The following PRX variants were observed in gnomAD, a reference collection of about 807,000 sequenced individuals.
The protein encoded by PRX is periaxin.
Under a neutral mutation model 29.6 loss-of-function variants are expected in PRX, and 24 were observed. The ratio of observed to expected loss-of-function variants is 0.81; its 90% CI spans 0.59 to 1.14. The LOEUF (loss-of-function observed/expected upper bound fraction) is 1.14, where lower values mean the gene tolerates loss of function less well. Ranked by LOEUF, PRX falls within the 50% of genes most tolerant of loss-of-function variation. PRX has a pLI of 0.00. For missense variants in PRX, 1,838 were observed against 1,926.4 expected (o/e 0.95, Z 0.86); for synonymous variants, 772 against 831.7 (o/e 0.93, Z 1.24).
Position 40,395,957 on chromosome 19 carries a change from A to G in PRX, c.2395T>C (p.Phe799Leu), listed in dbSNP as rs372370577. 1.3e-5 allele frequency: 21 copies of G among 1,614,030 alleles called. No homozygotes were observed. The highest frequency in any genetic ancestry group is 1.6e-5 in the Non-Finnish European group (19 of 1,180,050). ...GGCATGGTCATCTTGGGCATCTTGA[A>G]GCCAAATTCCATCCCTTCTGCCTGT... Reference protein sequence around the residue: ...AEQAEGMEFGFKMPKMTMPKL... With the variant: ...AEQAEGMEFGLKMPKMTMPKL... Residue 799 changes from phenylalanine to leucine, a missense_variant, in exon 7 of 7, where the codon TTC becomes CTC. By Grantham distance (22) the Phe-to-Leu change is conservative. Coordinates refer to ENST00000324001, the MANE Select transcript of PRX (RefSeq NM_181882.3).
At chr19:40,405,063 A>T (rs1379479666) in intron 4 of PRX, among the ~76,000 whole-genome samples, 1 of 152,076 alleles carries the variant, frequency 6.6e-6, no homozygotes, top group Non-Finnish European at 1.5e-5. Flanking sequence ...AATGTGCTCT[A>T]TTGTAAATTC....
rs778158201 is a variant in PRX at position 40,398,577 on chromosome 19, C to T, written c.381+43G>A. 73 of 1,608,598 alleles carry T rather than the reference C, an allele frequency of 4.5e-5. No homozygotes were observed. In the Admixed American group the frequency reaches 1.2e-3, roughly 26 times the overall value. On this transcript the variant is annotated intron_variant, in intron 6 of 6. Transcript: ENST00000324001. The surrounding 1 kb of genome is among the most constrained non-coding windows in gnomAD (Gnocchi z 6.3). ...GGGGCTCACGGCGCAGAGACCGGAT[C>T]GCTGGGGCAGTCCAGGGCCGGGGCC... is the stretch of plus-strand genomic sequence containing the variant.
Position 40,408,002 on chromosome 19 carries a change from C to G in PRX, c.-70G>C. On this transcript the variant is annotated 5_prime_UTR_variant, in exon 4 of 7. An upstream open reading frame in the 5' UTR loses its in-frame stop. Coordinates refer to ENST00000324001, the MANE Select transcript of PRX (RefSeq NM_181882.3). The stretch of plus-strand genomic sequence containing the variant: ...CCCCTTTCTGCTGCAGAACCAGCTT[C>G]AGTTCTGCATGGAGCAGCTGCCTCT... The G allele has an allele frequency of 6.2e-7, 1 of 1,600,728 alleles. No homozygotes were observed. The highest frequency in any genetic ancestry group is 8.5e-7 in the Non-Finnish European group (1 of 1,170,718).
intron 5 of PRX, among the ~76,000 whole-genome samples, chr19:40,403,500 G>A (rs375788174): frequency 1.3e-5 from 2 of 152,076 alleles, no homozygotes; most frequent in African/African-American, 2.4e-5. Context: ...GCTAGTAAAC[G>A]GGGGATGTGA....
rs2079430429 is a variant in PRX at position 40,395,954 on chromosome 19, T to G, written c.2398A>C (p.Lys800Gln). Reference protein sequence around the residue: ...EQAEGMEFGFKMPKMTMPKLG... With the variant: ...EQAEGMEFGFQMPKMTMPKLG... ...TTGGGCATGGTCATCTTGGGCATCTTGAAGCCAAATTCCATCCCTTCTGCC... is the reference window on the plus strand; with the variant it reads ...TTGGGCATGGTCATCTTGGGCATCTGGAAGCCAAATTCCATCCCTTCTGCC... Residue 800 changes from lysine (K) to glutamine (Q), a missense_variant, in exon 7 of 7, where the codon AAG (lysine) becomes CAG (glutamine). By Grantham distance (53) the Lys-to-Gln change is moderately conservative. Around this residue, in one of 3 missense-constraint regions of PRX, gnomAD observed 1,143 missense variants for 1,193.0 expected, o/e 0.96. Transcript: ENST00000324001. 1 of 1,614,050 alleles carries G rather than the reference T, an allele frequency of 6.2e-7. No individual in the cohort carries two copies. The highest frequency in any genetic ancestry group is 8.5e-7 in the Non-Finnish European group (1 of 1,180,042).
upstream of PRX, among the ~76,000 whole-genome samples, chr19:40,414,783 G>A (rs554109049): frequency 2.6e-5 from 4 of 152,242 alleles, no homozygotes; most frequent in South Asian, 4.1e-4. Context: ...GAAGCTCGTC[G>A]CTCTCTGAAC....
At position 40,396,510 on chromosome 19, in the gene PRX, G is replaced by A. The variant is rs559655526; in HGVS notation, c.1842C>T (p.Pro614=). Residue 614 remains proline, a synonymous_variant, in exon 7 of 7, where the codon CCC becomes CCT. Coordinates refer to ENST00000324001, the MANE Select transcript of PRX (RefSeq NM_181882.3). ...GCTGCACTTCTGGGAGGTGCACATC[G>A]GGCACGGCCATCTCGGGCACCTTCG... ...QLPKVPEMAV[P]DVHLPEVQLP... 7 of 1,613,042 alleles carry A rather than the reference G, an allele frequency of 4.3e-6. No homozygotes were observed. The highest frequency in any genetic ancestry group is 1.7e-4 in the Middle Eastern group (1 of 6,058).
chr19:40,411,686 GC>G (rs757879817), intron 1 of PRX, among the ~76,000 whole-genome samples: 1 of 152,170 alleles, frequency 6.6e-6, no homozygotes, highest in Non-Finnish European at 1.5e-5. Flanking sequence ...TAAGGTGGGG[GC>G]AGCTTCGGAA....
intron 1 of PRX, among the ~76,000 whole-genome samples, chr19:40,408,808 T>G (rs796462407): frequency 7.1e-4 from 95 of 134,290 alleles, no homozygotes; most frequent in African/African-American, 3.4e-3. Context: ...GTTTTTGTTG[T>G]TGTTGGTGGT....
chr19:40,394,500 G>C lies in PRX; in HGVS notation c.3852C>G (p.Ser1284=). The change falls in exon 7 of 7, where the codon TCC becomes TCG. Residue 1284 remains serine, a synonymous_variant. Coordinates refer to ENST00000324001, the MANE Select transcript of PRX (RefSeq NM_181882.3). The surrounding 1 kb of genome is among the most constrained non-coding windows in gnomAD (Gnocchi z 5.8). ...LSLPDVELSP[S]GGNHAEYQVA... ...CCTGGTACTCGGCATGGTTGCCCCC[G>C]GATGGCGAGAGCTCCACGTCGGGCA... 1.3e-6 allele frequency: 2 copies of C among 1,599,748 alleles called. No individual in the cohort carries two copies. The highest frequency in any genetic ancestry group is 1.7e-6 in the Non-Finnish European group (2 of 1,173,866).
rs746992387 is a variant in PRX at position 40,403,709 on chromosome 19, C to T, written c.181G>A (p.Glu61Lys). The stretch of plus-strand genomic sequence containing the variant: ...CCCACACCCCGGGCCCGCCCACCTT[C>T]CTGCAGGCTGAGGCTCCTGGCGGCG... ...SPAARSLSLQ[E>K]GDQLLSARVF... The change falls in exon 5 of 7, where the codon GAA (glutamate) becomes AAA (lysine). Residue 61 changes from glutamate (E) to lysine (K), a missense_variant. Physicochemically the swap from Glu to Lys is moderately conservative, Grantham distance 56. Coordinates refer to ENST00000324001, the MANE Select transcript of PRX (RefSeq NM_181882.3). 2.6e-6 allele frequency: 4 copies of T among 1,554,090 alleles called. No individual in the cohort carries two copies. Among genetic ancestry groups the T allele is most frequent in the East Asian group, 2.4e-5 (1 of 41,376 alleles).
Position 40,398,229 on chromosome 19 carries a change from C to A in PRX, c.382-259G>T. On this transcript the variant is annotated intron_variant, in intron 6 of 6. Coordinates refer to ENST00000324001, the MANE Select transcript of PRX (RefSeq NM_181882.3). The surrounding 1 kb of genome is among the most constrained non-coding windows in gnomAD (Gnocchi z 6.3). ...CTTCTAGATCCTGATCCGGGATTTT[C>A]CCCAACATCCTCATTCTAGAGATGG... 7.1e-7 allele frequency: 1 copy of A among 1,415,258 alleles called. No homozygotes were observed. The highest frequency in any genetic ancestry group is 9.2e-7 in the Non-Finnish European group (1 of 1,090,376). 87.7% of individuals were successfully genotyped at this position (1,415,258 alleles called of 1,614,324 possible). A position where few individuals can be genotyped will look rare whatever the true frequency, so the allele number is the denominator to read the frequency against.
chr19:40,400,517 G>A (rs1415613783), intron 5 of PRX, among the ~76,000 whole-genome samples: 3 of 147,548 alleles, frequency 2.0e-5, no homozygotes, highest in African/African-American at 5.0e-5. Context: ...ACTTGAACCC[G>A]GGAGGCGGAG....
intron 1 of PRX, among the ~76,000 whole-genome samples, chr19:40,408,816 G>GGTGTGTGTGTGTGTGTGT (rs575859236): frequency 7.0e-6 from 1 of 143,306 alleles, no homozygotes; most frequent in African/African-American, 2.6e-5. Flanking sequence ...TGTTGTTGGT[G>GGTGTGTGTGTGTGTGTGT]GTGTGTGTGT....
Position 40,396,381 on chromosome 19 carries a change from C to T in PRX, c.1971G>A (p.Val657=), listed in dbSNP as rs766837777. ...TCATCTCTGGGACTTTCGGGAGCTG[C>T]ACTTCCGGGAGGTGCACATCGGGCA... ...MAVPDVHLPE[V]QLPKVPEMKL... is the part of the protein sequence containing the mutation. Residue 657 remains valine, a synonymous_variant, in exon 7 of 7, where the codon GTG becomes GTA. Coordinates refer to ENST00000324001, the MANE Select transcript of PRX (RefSeq NM_181882.3). 18 of 1,613,238 alleles carry T rather than the reference C, an allele frequency of 1.1e-5. No homozygotes were observed. The highest frequency in any genetic ancestry group is 1.7e-5 in the Admixed American group (1 of 59,924).
chr19:40,398,945 G>T lies in PRX; in HGVS notation c.185-129C>A, dbSNP rs966785930. 26 of 1,520,558 alleles carry T rather than the reference G, an allele frequency of 1.7e-5. No individual in the cohort carries two copies. The highest frequency in any genetic ancestry group is 2.0e-5 in the Non-Finnish European group (23 of 1,133,276). 94.2% of individuals were successfully genotyped at this position (1,520,558 alleles called of 1,614,324 possible). A position where few individuals can be genotyped will look rare whatever the true frequency, so the allele number is the denominator to read the frequency against. Reference sequence around the variant, plus strand: ...AATTTTAGTTTCTCCAATCCCCAGCGCAGGATTAAGTCGCAGTTACGCTAG... The same window carrying T: ...AATTTTAGTTTCTCCAATCCCCAGCTCAGGATTAAGTCGCAGTTACGCTAG... On this transcript the variant is annotated intron_variant, in intron 5 of 6. Transcript: ENST00000324001. This position sits in a 1 kb window ranked among gnomAD's most constrained non-coding sequence, Gnocchi z 6.3.
intron 4 of PRX, among the ~76,000 whole-genome samples, chr19:40,406,756 T>C (rs1031154163): frequency 1.3e-5 from 2 of 148,634 alleles, no homozygotes; most frequent in Admixed American, 6.8e-5. Context: ...GAGGTGGAGA[T>C]CATTACCTCC....
At chr19:40,403,607 C>T (rs971940631) in intron 5 of PRX, 99 bp downstream of exon 5, 1 of 1,411,270 alleles carries the variant, frequency 7.1e-7, no homozygotes. Context: ...CGGTCACGCC[C>T]CCATCCCCCG....
Position 40,396,365 on chromosome 19 carries a change from G to C in PRX, c.1987C>G (p.Pro663Ala). The change falls in exon 7 of 7, where the codon CCA (proline) becomes GCA (alanine). Residue 663 changes from proline to alanine, a missense_variant. Pro to Ala is a conservative substitution (Grantham distance 27, BLOSUM62 -1). Transcript: ENST00000324001. ...HLPEVQLPKV[P>A]EMKLPKMPEM... Reference sequence around the variant, plus strand: ...GGCATTTTAGGGAGTTTCATCTCTGGGACTTTCGGGAGCTGCACTTCCGGG... The same window carrying C: ...GGCATTTTAGGGAGTTTCATCTCTGCGACTTTCGGGAGCTGCACTTCCGGG... 1 of 1,592,302 alleles carries C rather than the reference G, an allele frequency of 6.3e-7. No homozygotes were observed. The highest frequency in any genetic ancestry group is 8.5e-7 in the Non-Finnish European group (1 of 1,172,016).
Sources: gnomAD v4.1 joint callset for allele counts (sites outside exome capture counted in the v4.1 genomes callset) on GRCh38, gnomAD v4.1.1 for gene constraint, gnomAD v4.1.1 regional missense constraint, Gnocchi (gnomAD v3.1) non-coding constraint, MANE v1.5 for transcripts, NCBI Gene and HGNC (gene_info 2026-07-23, HGNC 2026-07-21) for gene names.